Variants in SND1 observed in about 807,000 individuals in gnomAD.
SND1 encodes staphylococcal nuclease and tudor domain containing 1.
SND1 carries 38 observed loss-of-function variants against 121.7 expected under a neutral mutation model. The observed-to-expected ratio is 0.31, with a 90% CI of 0.24 to 0.41. SND1 has a LOEUF of 0.41. SND1 is among the 10% of genes least tolerant of loss of function. The pLI, the probability that SND1 is intolerant of heterozygous loss-of-function variation, is 1.00. For missense variants in SND1, 868 were observed against 1,184.6 expected (o/e 0.73, Z 3.92); for synonymous variants, 401 against 447.4 (o/e 0.90, Z 1.31).
intron 10 of SND1, among the ~76,000 whole-genome samples, chr7:127,741,530 C>T (rs1212280136): frequency 1.3e-5 from 2 of 152,128 alleles, no homozygotes; most frequent in East Asian, 1.9e-4. Flanking sequence ...CTTGTTGTAC[C>T]GCAGGTGACT....
At chr7:127,949,934 C>T (rs185461529) in intron 15 of SND1, among the ~76,000 whole-genome samples, 1 of 152,326 alleles carries the variant, frequency 6.6e-6, no homozygotes, top group Admixed American at 6.5e-5. Context: ...ACTCCCTTCC[C>T]TCTCAGTTCT....
chr7:127,997,377 G>T (rs1227357738), intron 16 of SND1: 3 of 269,898 alleles, frequency 1.1e-5, no homozygotes, highest in African/African-American at 2.2e-5. Context: ...ATAGGGCATG[G>T]ATTCTGATCC....
intron 1 of SND1, among the ~76,000 whole-genome samples, chr7:127,663,776 T>G (rs547582503): frequency 1.3e-5 from 2 of 152,326 alleles, no homozygotes; most frequent in African/African-American, 4.8e-5. Context: ...TTGTTTTTAA[T>G]CTGCTTTCTC....
intron 11 of SND1, among the ~76,000 whole-genome samples, chr7:127,820,874 T>C (rs1164364564): frequency 6.6e-6 from 1 of 152,188 alleles, no homozygotes; most frequent in Non-Finnish European, 1.5e-5. Flanking sequence ...TTTCTGACCT[T>C]AGCAAGGAAA....
intron 15 of SND1, among the ~76,000 whole-genome samples, chr7:127,959,017 T>C (rs1801666403): frequency 6.6e-6 from 1 of 152,112 alleles, no homozygotes. Flanking sequence ...GAACACACCA[T>C]TGGAAGCTAC....
chr7:127,975,706 A>T (rs1346916328), intron 15 of SND1, among the ~76,000 whole-genome samples: 1 of 152,180 alleles, frequency 6.6e-6, no homozygotes, highest in Non-Finnish European at 1.5e-5. Context: ...GCTTTGGAAG[A>T]CATGTGAAGG....
intron 16 of SND1, among the ~76,000 whole-genome samples, chr7:128,023,233 G>A (rs1276181750): frequency 6.6e-6 from 1 of 152,018 alleles, no homozygotes; most frequent in Non-Finnish European, 1.5e-5. Context: ...TCCTAGCTCT[G>A]CAATACTGCT....
intron 12 of SND1, among the ~76,000 whole-genome samples, chr7:127,865,574 G>A (rs1799455069): frequency 6.6e-6 from 1 of 152,012 alleles, no homozygotes; most frequent in Admixed American, 6.6e-5. Context: ...CTAAGGGACT[G>A]TCTTGATTCT....
chr7:127,659,444 AT>A (rs1009599195), intron 1 of SND1, among the ~76,000 whole-genome samples: 2 of 152,234 alleles, frequency 1.3e-5, no homozygotes, highest in African/African-American at 4.8e-5. Context: ...CATTTTTGAA[AT>A]GTGTAATCTA....
chr7:127,684,859 A>G (rs1795786050), intron 1 of SND1, among the ~76,000 whole-genome samples: 1 of 152,098 alleles, frequency 6.6e-6, no homozygotes, highest in African/African-American at 2.4e-5. Context: ...GGATATTGAG[A>G]CATTATCAGA....
intron 16 of SND1, chr7:128,027,631 A>G (rs1458714530): frequency 2.6e-5 from 4 of 152,214 alleles, no homozygotes; most frequent in Admixed American, 2.0e-4. Context: ...AAGCTCCCCA[A>G]TTCAGGCTTC....
At chr7:127,903,086 A>G (rs1584654383) in intron 13 of SND1, among the ~76,000 whole-genome samples, 1 of 151,780 alleles carries the variant, frequency 6.6e-6, no homozygotes, top group Non-Finnish European at 1.5e-5. Flanking sequence ...GTTTCACCAT[A>G]TTGGCCAGGC....
chr7:128,086,781 G>A, intron 20 of SND1, 157 bp from the exon 21 acceptor site: 2 of 677,840 alleles, frequency 3.0e-6, no homozygotes, highest in Non-Finnish European at 5.3e-6. Context: ...TTCACCCACT[G>A]GGGAGCCTTT....
At chr7:127,741,277 T>G (rs1233150678) in intron 10 of SND1, among the ~76,000 whole-genome samples, 1 of 152,212 alleles carries the variant, frequency 6.6e-6, no homozygotes, top group Non-Finnish European at 1.5e-5. Flanking sequence ...ATTTGCCTTA[T>G]ATATAATTAA....
At chr7:127,829,210 C>G (rs950821170) in intron 11 of SND1, among the ~76,000 whole-genome samples, 3 of 152,026 alleles carry the variant, frequency 2.0e-5, no homozygotes, top group African/African-American at 7.3e-5. Context: ...GGGATCCTGC[C>G]CCCTGCCCCC....
Position 128,029,033 on chromosome 7 carries a change from C to G in SND1, c.1779+37977C>G, listed in dbSNP as rs146699127. 1 of 1,613,854 alleles carries G rather than the reference C, an allele frequency of 6.2e-7. No individual in the cohort carries two copies. The highest frequency in any genetic ancestry group is 8.5e-7 in the Non-Finnish European group (1 of 1,179,990). ...TCAACATGGCGGCAGCTAGCAGAGT[C>G]ACTGCCACAAAGCAGCCAATGATGA... On this transcript the variant is annotated intron_variant, in intron 16 of 23. Coordinates refer to ENST00000354725, the MANE Select transcript of SND1 (RefSeq NM_014390.4). The surrounding 1 kb of genome is among the most constrained non-coding windows in gnomAD (Gnocchi z 4.2).
chr7:127,874,489 A>G (rs1274574173), intron 12 of SND1, among the ~76,000 whole-genome samples: 3 of 152,282 alleles, frequency 2.0e-5, no homozygotes, highest in Non-Finnish European at 4.4e-5. Context: ...CTGAGTGACT[A>G]CACAAACTCT....
At chr7:127,902,906 G>A (rs1417819992) in intron 13 of SND1, among the ~76,000 whole-genome samples, 1 of 150,740 alleles carries the variant, frequency 6.6e-6, no homozygotes, top group East Asian at 1.9e-4. Context: ...TTTTTTTTGA[G>A]ATGGAGTCTC....
chr7:127,901,647 G>A (rs1183600431), intron 13 of SND1, among the ~76,000 whole-genome samples: 1 of 152,118 alleles, frequency 6.6e-6, no homozygotes, highest in African/African-American at 2.4e-5. Flanking sequence ...GAATTTAGTG[G>A]TTAACTACCT....
Sources: gnomAD v4.1 joint callset for allele counts (sites outside exome capture counted in the v4.1 genomes callset) on GRCh38, gnomAD v4.1.1 for gene constraint, Gnocchi (gnomAD v3.1) non-coding constraint, MANE v1.5 for transcripts, NCBI Gene and HGNC (gene_info 2026-07-23, HGNC 2026-07-21) for gene names.